The following KNG1 variants were observed in gnomAD, a reference collection of about 807,000 sequenced individuals.
KNG1 encodes the protein kininogen-1.
KNG1 carries 23 observed loss-of-function variants against 47.8 expected under a neutral mutation model. The ratio of observed to expected loss-of-function variants is 0.48; its 90% CI spans 0.35 to 0.68. The LOEUF (loss-of-function observed/expected upper bound fraction) is 0.68. Among genes scored for constraint, KNG1 ranks in the 30% least tolerant of loss-of-function variants. The probability of loss-of-function intolerance (pLI) is 0.01; values close to 1 mark genes in which losing one functional copy is unlikely to be tolerated. For missense variants in KNG1, 762 were observed against 790.2 expected (o/e 0.96, Z 0.43); for synonymous variants, 277 against 277.0 (o/e 1.00, Z 0.00).
At position 186,742,371 on chromosome 3, in the gene KNG1, G is replaced by A; in HGVS notation, c.*40G>A. On this transcript the variant is annotated 3_prime_UTR_variant, in exon 10 of 10. Transcript: ENST00000644859. ...GGTATTTCTTTCATACTTTATTAAA[G>A]TATCAATATCCCTCTCTCCATTGTC... 1 of 1,609,676 alleles carries A rather than the reference G, an allele frequency of 6.2e-7. No homozygotes were observed. The highest frequency in any genetic ancestry group is 2.2e-5 in the East Asian group (1 of 44,868).
At chr3:186,725,284 A>G in intron 4 of KNG1, 24 bp downstream of exon 4, 2 of 1,605,570 alleles carry the variant, frequency 1.2e-6, no homozygotes, top group Non-Finnish European at 1.7e-6. Flanking sequence ...TTCTCTAAGT[A>G]GCACAGTATT....
chr3:186,738,940 T>C lies in KNG1; in HGVS notation c.931-159T>C, dbSNP rs1374807399. 62 of 651,374 alleles carry C rather than the reference T, an allele frequency of 9.5e-5. No homozygotes were observed. The South Asian group carries it at 1.0e-3, about 11-fold the overall frequency. 40.3% of individuals were successfully genotyped at this position (651,374 alleles called of 1,614,324 possible). Reference sequence around the variant, plus strand: ...AACCGATAGCCAAATATTTTAAATATGCATGCCAAGCTTTAATGCCAAACG... The same window carrying C: ...AACCGATAGCCAAATATTTTAAATACGCATGCCAAGCTTTAATGCCAAACG... On this transcript the variant is annotated intron_variant, in intron 7 of 9. Coordinates refer to ENST00000644859, the MANE Select transcript of KNG1 (RefSeq NM_001102416.3).
At position 186,739,216 on chromosome 3, in the gene KNG1, C is replaced by T; in HGVS notation, c.1038+10C>T. The T allele has an allele frequency of 6.2e-7, 1 of 1,605,312 alleles. No individual in the cohort carries two copies. Among genetic ancestry groups the T allele is most frequent in the Middle Eastern group, 1.7e-4 (1 of 6,038 alleles). ...GACCAAAAAACTTGGCGTGAGTAGT[C>T]ATGCACCTGTCTACTTTTTCACTGG... On this transcript the variant is annotated intron_variant, in intron 8 of 9. Transcript: ENST00000644859.
chr3:186,720,525 G>A (rs5029981), intron 2 of KNG1: 32,838 of 352,390 alleles, frequency 0.093, 2,034 homozygotes, highest in South Asian at 0.17. Context: ...AAGAGCTGGC[G>A]AGGGGAGGGG....
intron 7 of KNG1, chr3:186,736,061 T>C (rs777869181): frequency 1.1e-4 from 16 of 152,244 alleles, no homozygotes; most frequent in Non-Finnish European, 2.2e-4. Context: ...TTCTTAGTAG[T>C]TACAGTTTTC....
In KNG1 at chr3:186,734,977, A is replaced by G. The variant is rs1164426887; in HGVS notation, c.930+2303A>G. On this transcript the variant is annotated intron_variant, in intron 7 of 9. Coordinates refer to ENST00000644859, the MANE Select transcript of KNG1 (RefSeq NM_001102416.3). ...AAACAAACTAGATTAAAGTAAATCA[A>G]AACTGATACTTTGATCTCTCTGCTA... 2 of 152,190 alleles carry G rather than the reference A, an allele frequency of 1.3e-5. 1 individual carries two copies. Among genetic ancestry groups the G allele is most frequent in the East Asian group, 3.9e-4 (2 of 5,194 alleles). The allele number at this position is 152,190 out of a possible 1,614,324, so 9.4% of individuals were successfully genotyped here.
At chr3:186,727,381 A>G in intron 5 of KNG1, 37 bp downstream of exon 5, 1 of 1,330,594 alleles carries the variant, frequency 7.5e-7, no homozygotes, top group Non-Finnish European at 1.1e-6. Flanking sequence ...AGTTCTTAGC[A>G]TTTTGTTTAC....
chr3:186,739,517 A>C (rs1176897748), intron 9 of KNG1, 103 bp downstream of exon 9: 1 of 802,692 alleles, frequency 1.2e-6, no homozygotes, highest in East Asian at 2.6e-5. Flanking sequence ...TTGGGGAGCT[A>C]TCTTTTTTAA....
rs981783327 is a variant in KNG1, at chr3:186,740,865, A to G, written c.1126-657A>G. On this transcript the variant is annotated intron_variant, in intron 9 of 9. Coordinates refer to ENST00000644859, the MANE Select transcript of KNG1 (RefSeq NM_001102416.3). ...ATTAAATACTGTGCTCAGTAAAAAC[A>G]TAGGCTCAGAAGCTACCCTAGAGAT... Among the ~76,000 whole-genome samples, 38 of 152,340 alleles carry G rather than the reference A, an allele frequency of 2.5e-4. 1 individual carries two copies. The highest frequency in any genetic ancestry group is 6.8e-3 in the Middle Eastern group (2 of 294).
Position 186,742,557 on chromosome 3 carries a change from T to C in KNG1, c.*226T>C. 1.4e-6 allele frequency: 2 copies of C among 1,380,146 alleles called. No homozygotes were observed. The highest frequency in any genetic ancestry group is 6.2e-5 in the Admixed American group (2 of 32,478). The allele number at this position is 1,380,146 out of a possible 1,614,324, so 85.5% of individuals were successfully genotyped here. A position where few individuals can be genotyped will look rare whatever the true frequency, so the allele number is the denominator to read the frequency against. On this transcript the variant is annotated 3_prime_UTR_variant, in exon 10 of 10. Coordinates refer to ENST00000644859, the MANE Select transcript of KNG1 (RefSeq NM_001102416.3). ...TCTTTTCTGAATCTTCTTCCCAAGT[T>C]TTCTAAACTAGCACAGTAAACAGAC...
intron 7 of KNG1, among the ~76,000 whole-genome samples, chr3:186,735,060 A>T (rs1217739987): frequency 6.6e-6 from 1 of 152,240 alleles, no homozygotes; most frequent in South Asian, 2.1e-4. Flanking sequence ...TTTCATTGCC[A>T]TATGACCACG....
chr3:186,739,154 C>G lies in KNG1; in HGVS notation c.986C>G (p.Ser329Cys), dbSNP rs773371665. The G allele has an allele frequency of 2.0e-5, 33 of 1,614,096 alleles. No homozygotes were observed. Among genetic ancestry groups the G allele is most frequent in the Admixed American group, 8.3e-5 (5 of 59,992 alleles). Reference sequence around the variant, plus strand: ...TTCGTGGCCAGGGAAACCACATGTTCCAAGGAAAGTAATGAAGAGTTGACC... The same window carrying G: ...TTCGTGGCCAGGGAAACCACATGTTGCAAGGAAAGTAATGAAGAGTTGACC... Reference protein sequence around the residue: ...IDFVARETTCSKESNEELTES... With the variant: ...IDFVARETTCCKESNEELTES... Residue 329 changes from serine (S) to cysteine (C), a missense_variant, in exon 8 of 10, where the codon TCC (serine) becomes TGC (cysteine). Transcript: ENST00000644859.
At chr3:186,724,670 C>A (rs1439983277) in intron 3 of KNG1, among the ~76,000 whole-genome samples, 2 of 151,402 alleles carry the variant, frequency 1.3e-5, no homozygotes, top group African/African-American at 2.4e-5. Flanking sequence ...TTGTGGGATG[C>A]ATGGTTTGCA....
At chr3:186,735,391 G>A (rs1720646347) in intron 7 of KNG1, among the ~76,000 whole-genome samples, 1 of 152,164 alleles carries the variant, frequency 6.6e-6, no homozygotes, top group Non-Finnish European at 1.5e-5. Context: ...GCCGAGGCAG[G>A]TGGATCACCT....
Position 186,742,311 on chromosome 3 carries a change from C to T in KNG1, c.1915C>T (p.Leu639Phe), listed in dbSNP as rs78116300. ...AATGAAAGAATCTTATTATTTCGAT[C>T]TCACTGATGGCCTTTCTTAATTTAA... ...TQMKESYYFDLTDGLS is the reference protein window; with the variant it reads ...TQMKESYYFDFTDGLS The change falls in exon 10 of 10, where the codon CTC becomes TTC. Residue 639 changes from leucine to phenylalanine, a missense_variant. Transcript: ENST00000644859. 11 of 1,614,002 alleles carry T rather than the reference C, an allele frequency of 6.8e-6. No individual in the cohort carries two copies. The East Asian group carries it at 2.5e-4, about 36-fold the overall frequency.
rs1720865663 is a variant in KNG1, at chr3:186,743,459, GC to G, written c.*1130del. 1 of 508,728 alleles carries G rather than the reference GC, an allele frequency of 2.0e-6. No homozygotes were observed. Among genetic ancestry groups the G allele is most frequent in the African/African-American group, 1.9e-5 (1 of 51,842 alleles). The allele number at this position is 508,728 out of a possible 1,614,324, so 31.5% of individuals were successfully genotyped here. The stretch of plus-strand genomic sequence containing the variant: ...GCTTTATAACCAATGTTGTACTTTT[GC>G]CTAGAAAAACAAGATATGGCTTTAA... On this transcript the variant is annotated 3_prime_UTR_variant, in exon 10 of 10. Coordinates refer to ENST00000644859, the MANE Select transcript of KNG1 (RefSeq NM_001102416.3).
chr3:186,734,571 G>C (rs1720621964), intron 7 of KNG1: 1 of 152,046 alleles, frequency 6.6e-6, no homozygotes. Context: ...GACCAGCCTG[G>C]GCAACATGGT....
chr3:186,722,940 C>T (rs761528761), intron 3 of KNG1, among the ~76,000 whole-genome samples: 5 of 152,130 alleles, frequency 3.3e-5, no homozygotes, highest in Non-Finnish European at 7.3e-5. Flanking sequence ...TCCCACTTCA[C>T]AGGACTGTTG....
At position 186,717,586 on chromosome 3, in the gene KNG1, T is replaced by C. The variant is rs1234020666; in HGVS notation, c.44T>C (p.Leu15Pro). Residue 15 changes from leucine to proline, a missense_variant, in exon 1 of 10, where the codon CTA (leucine) becomes CCA (proline). Physicochemically the swap from Leu to Pro is moderately conservative, Grantham distance 98 (BLOSUM62 -3). Coordinates refer to ENST00000644859, the MANE Select transcript of KNG1 (RefSeq NM_001102416.3). The stretch of plus-strand genomic sequence containing the variant: ...CTTTTCCTCTGCTCCAGGCTGCTAC[T>C]AAGTTTAACCCAGGAATCACAGTCC... Reference protein sequence around the residue: ...TILFLCSRLLLSLTQESQSEE... With the variant: ...TILFLCSRLLPSLTQESQSEE... 2 of 1,612,714 alleles carry C rather than the reference T, an allele frequency of 1.2e-6. No homozygotes were observed. The highest frequency in any genetic ancestry group is 1.3e-5 in the African/African-American group (1 of 74,880).
Sources: gnomAD v4.1 joint callset for allele counts (sites outside exome capture counted in the v4.1 genomes callset) on GRCh38, gnomAD v4.1.1 for gene constraint, MANE v1.5 for transcripts, NCBI Gene and HGNC (gene_info 2026-07-23, HGNC 2026-07-21) for gene names.